Variants in TRPC5 observed in about 807,000 individuals in gnomAD.
TRPC5 encodes transient receptor potential cation channel subfamily C member 5.
A neutral mutation model predicts 56.5 loss-of-function variants in TRPC5; 9 were observed. The observed-to-expected ratio is 0.16, with a 90% confidence interval of 0.10 to 0.28. TRPC5 has a LOEUF of 0.28. Ranked by LOEUF, TRPC5 falls within the 10% of genes least tolerant of loss-of-function variation. The pLI, the probability that TRPC5 is intolerant of heterozygous loss-of-function variation, is 1.00. For missense variants in TRPC5, 469 were observed against 748.9 expected, an observed-to-expected ratio of 0.63 and a Z score of 4.36; for synonymous variants, 282 against 278.5, an observed-to-expected ratio of 1.01 and a Z score of -0.13.
intron 1 of TRPC5, among the ~76,000 whole-genome samples, chrX:112,035,897 C>T (rs943964173): frequency 9.1e-6 from 1 of 109,656 alleles, no homozygotes; most frequent in South Asian, 4.0e-4. Context: ...CCAAAGTGCT[C>T]GGACTACAGG....
chrX:112,037,841 T>A (rs140905978), intron 1 of TRPC5, among the ~76,000 whole-genome samples: 1,170 of 111,995 alleles, frequency 0.01, 14 homozygotes, highest in African/African-American at 0.036. Flanking sequence ...CTGCATAATC[T>A]AACTGGGCCA....
chrX:111,981,718 T>C (rs1311742979), intron 1 of TRPC5, among the ~76,000 whole-genome samples: 1 of 112,259 alleles, frequency 8.9e-6, no homozygotes, highest in African/African-American at 3.2e-5. Flanking sequence ...GAGTGATGTT[T>C]ACTCTTTGCC....
intron 1 of TRPC5, among the ~76,000 whole-genome samples, chrX:111,968,695 A>T (rs1441498781): frequency 1.9e-5 from 2 of 107,488 alleles, no homozygotes; most frequent in Non-Finnish European, 3.8e-5. Flanking sequence ...TGAAACTGGA[A>T]ACCATCATTC....
chrX:112,050,756 A>G (rs757068140), intron 1 of TRPC5, among the ~76,000 whole-genome samples: 1 of 111,951 alleles, frequency 8.9e-6, no homozygotes, highest in South Asian at 3.7e-4. Flanking sequence ...TGGAAAAAAC[A>G]TTATTTTTCT....
intron 3 of TRPC5, 116 bp downstream of exon 3, chrX:111,912,175 G>T: frequency 1.1e-6 from 1 of 893,185 alleles, no homozygotes; most frequent in Non-Finnish European, 1.5e-6. Flanking sequence ...TGTGAGGCCT[G>T]CCCAACCATT....
At chrX:112,006,985 C>A (rs867504679) in intron 1 of TRPC5, among the ~76,000 whole-genome samples, 9 of 111,132 alleles carry the variant, frequency 8.1e-5, no homozygotes, top group South Asian at 7.7e-4. Flanking sequence ...GCTCAGATAG[C>A]ATGACTATGA....
chrX:111,952,494 C>T, intron 1 of TRPC5, 53 bp from the exon 2 acceptor site: 1 of 1,111,784 alleles, frequency 9.0e-7, no homozygotes, highest in African/African-American at 1.8e-5. Context: ...GTGGAGGTCT[C>T]AAGTGGCCAG....
intron 3 of TRPC5, among the ~76,000 whole-genome samples, chrX:111,886,152 C>T (rs775131008): frequency 3.3e-4 from 37 of 111,456 alleles, no homozygotes; most frequent in East Asian, 3.1e-3. Context: ...TGGTGGTGGG[C>T]GCCTGTAATC....
intron 1 of TRPC5, among the ~76,000 whole-genome samples, chrX:111,993,604 T>C (rs1928428472): frequency 8.9e-6 from 1 of 112,547 alleles, no homozygotes; most frequent in Non-Finnish European, 1.9e-5. Context: ...CTAACTGGTG[T>C]GAGATTGTAT....
intron 1 of TRPC5, among the ~76,000 whole-genome samples, chrX:112,045,314 A>G (rs1929991153): frequency 9.0e-6 from 1 of 111,491 alleles, no homozygotes; most frequent in South Asian, 3.7e-4. Context: ...AATGGGAGTA[A>G]TGTGGTCACA....
At chrX:111,905,758 C>CA (rs775283211) in intron 3 of TRPC5, among the ~76,000 whole-genome samples, 4 of 108,649 alleles carry the variant, frequency 3.7e-5, no homozygotes, top group Non-Finnish European at 5.7e-5. Context: ...ACTAAAAATA[C>CA]AAAAAAATTA....
intron 3 of TRPC5, among the ~76,000 whole-genome samples, chrX:111,860,086 T>C (rs1191122028): frequency 3.6e-5 from 4 of 112,194 alleles, no homozygotes; most frequent in Admixed American, 1.9e-4. Context: ...TTTTTTTGTA[T>C]TTTAGTAGAG....
intron 3 of TRPC5, among the ~76,000 whole-genome samples, chrX:111,910,330 A>G (rs750553492): frequency 8.0e-4 from 89 of 111,694 alleles, no homozygotes; most frequent in African/African-American, 2.8e-3. Flanking sequence ...AAATATATAC[A>G]TATATCAAAG....
At chrX:111,873,062 A>G (rs1923812063) in intron 3 of TRPC5, among the ~76,000 whole-genome samples, 1 of 112,638 alleles carries the variant, frequency 8.9e-6, no homozygotes, top group Admixed American at 9.4e-5. Context: ...ATACCTGCAT[A>G]TTAATTGCAG....
At chrX:111,855,406 T>C (rs1923196251) in intron 3 of TRPC5, among the ~76,000 whole-genome samples, 1 of 111,849 alleles carries the variant, frequency 8.9e-6, no homozygotes, top group Non-Finnish European at 1.9e-5. Context: ...GACTGGGATG[T>C]GATAACCTGG....
rs186406522 is a variant in TRPC5, at chrX:111,992,184, C to A, written c.-21-39743G>T. On this transcript the variant is annotated intron_variant, in intron 1 of 10. Transcript: ENST00000262839. ...CAAAAAAATAATTTGTGCTTGGGCA[C>A]AGGGTAAGACTAGAAAATGGTGGGA... Among the ~76,000 whole-genome samples the A allele has an allele frequency of 6.2e-5, 7 of 112,128 alleles. No individual in the cohort carries two copies. The Admixed American group carries it at 6.6e-4, about 11-fold the overall frequency.
intron 1 of TRPC5, among the ~76,000 whole-genome samples, chrX:112,028,266 C>A (rs1569529797): frequency 9.2e-6 from 1 of 108,786 alleles, no homozygotes. Context: ...GTGCTTTTAA[C>A]TTTTTTTTTT....
chrX:111,850,788 A>G (rs1290442925), intron 5 of TRPC5, among the ~76,000 whole-genome samples: 1 of 112,140 alleles, frequency 8.9e-6, no homozygotes, highest in African/African-American at 3.2e-5. Flanking sequence ...TTATGTGATT[A>G]GCTAATGTTG....
At chrX:112,035,859 G>A (rs1200428293) in intron 1 of TRPC5, among the ~76,000 whole-genome samples, 1 of 109,142 alleles carries the variant, frequency 9.2e-6, no homozygotes, top group Non-Finnish European at 1.9e-5. Context: ...TCTCGATCTC[G>A]GTCTCGTGAT....
Sources: gnomAD v4.1 joint callset for allele counts (sites outside exome capture counted in the v4.1 genomes callset) on GRCh38, gnomAD v4.1.1 for gene constraint, MANE v1.5 for transcripts, NCBI Gene and HGNC (gene_info 2026-07-23, HGNC 2026-07-21) for gene names.